MIS18BP1: variants seen among roughly 807,000 people sequenced by gnomAD.
MIS18BP1 encodes the protein mis18-binding protein 1.
A neutral mutation model predicts 116.1 loss-of-function variants in MIS18BP1; 72 were observed. The observed-to-expected ratio is 0.62, with a 90% confidence interval of 0.51 to 0.75. MIS18BP1 has a LOEUF of 0.75. MIS18BP1 is among the 30% of genes least tolerant of loss of function. MIS18BP1 has a pLI of 0.00. For missense variants in MIS18BP1, 1,363 were observed against 1,303.2 expected (o/e 1.05, Z -0.71); for synonymous variants, 386 against 427.0 (o/e 0.90, Z 1.18).
At chr14:45,220,376 T>C (rs1192191640) in intron 11 of MIS18BP1, among the ~76,000 whole-genome samples, 1 of 152,160 alleles carries the variant, frequency 6.6e-6, no homozygotes, top group Non-Finnish European at 1.5e-5. Context: ...ATAGTTTAAA[T>C]ATGTGTCCCT....
rs565181569 is a variant in MIS18BP1 at position 45,247,331 on chromosome 14, C to T, written c.-45G>A. On this transcript the variant is annotated 5_prime_UTR_variant, in exon 2 of 17. It adds an upstream start codon to the 5' untranslated region. Transcript: ENST00000310806. Reference sequence around the variant, plus strand: ...CCAAGTTCTTCTAACAGAAAATTCACTTAAGCGCAATTTTCAGATAGAACT... The same window carrying T: ...CCAAGTTCTTCTAACAGAAAATTCATTTAAGCGCAATTTTCAGATAGAACT... 16 of 1,480,024 alleles carry T rather than the reference C, an allele frequency of 1.1e-5. No homozygotes were observed. In the South Asian group the frequency reaches 2.0e-4, roughly 18 times the overall value. 91.7% of individuals were successfully genotyped at this position (1,480,024 alleles called of 1,614,324 possible).
At chr14:45,249,288 C>T (rs1189477842) in intron 1 of MIS18BP1, among the ~76,000 whole-genome samples, 1 of 152,150 alleles carries the variant, frequency 6.6e-6, no homozygotes, top group Non-Finnish European at 1.5e-5. Flanking sequence ...GACGGGGTTT[C>T]ACCATATTGG....
At chr14:45,213,225 G>GT (rs1447588409) in intron 13 of MIS18BP1, among the ~76,000 whole-genome samples, 2 of 152,154 alleles carry the variant, frequency 1.3e-5, no homozygotes. Context: ...TTCTGAGGAG[G>GT]TAAGAATTGT....
At chr14:45,238,125 T>C (rs956365936) in intron 4 of MIS18BP1, among the ~76,000 whole-genome samples, 1 of 152,004 alleles carries the variant, frequency 6.6e-6, no homozygotes, top group Non-Finnish European at 1.5e-5. Context: ...GTTTTTTTTT[T>C]TTTTTGTAAA....
At chr14:45,249,614 T>C (rs1163719065) in intron 1 of MIS18BP1, among the ~76,000 whole-genome samples, 1 of 152,086 alleles carries the variant, frequency 6.6e-6, no homozygotes, top group Non-Finnish European at 1.5e-5. Context: ...CTCACGCCTA[T>C]AATCCCAGCA....
chr14:45,214,718 TG>T (rs1890769060), intron 13 of MIS18BP1, among the ~76,000 whole-genome samples: 1 of 152,204 alleles, frequency 6.6e-6, no homozygotes, highest in Non-Finnish European at 1.5e-5. Flanking sequence ...TGATATAATT[TG>T]TTGCTGTCTA....
rs909254491 is a variant in MIS18BP1 at position 45,203,537 on chromosome 14, G to A, written c.*572C>T. On this transcript the variant is annotated 3_prime_UTR_variant, in exon 17 of 17. Coordinates refer to ENST00000310806, the MANE Select transcript of MIS18BP1 (RefSeq NM_018353.5). ...AAACTAAATTTACAAAGGTTTCATA[G>A]ATATGCCTATCACAAGTTTAAAATA... 13 of 152,024 alleles carry A rather than the reference G, an allele frequency of 8.6e-5. No homozygotes were observed. Among genetic ancestry groups the A allele is most frequent in the African/African-American group, 3.1e-4 (13 of 41,378 alleles). The allele number at this position is 152,024 out of a possible 1,614,324, so 9.4% of individuals were successfully genotyped here.
chr14:45,250,138 C>T (rs1004289860), intron 1 of MIS18BP1: 1 of 152,128 alleles, frequency 6.6e-6, no homozygotes, highest in Non-Finnish European at 1.5e-5. Flanking sequence ...TGTCCCTGCC[C>T]CTAATTCAGG....
chr14:45,205,844 A>T (rs1890500119), intron 15 of MIS18BP1, among the ~76,000 whole-genome samples: 1 of 151,936 alleles, frequency 6.6e-6, no homozygotes, highest in South Asian at 2.1e-4. Flanking sequence ...CCCACCCTTC[A>T]TTTCCCAAAA....
intron 8 of MIS18BP1, among the ~76,000 whole-genome samples, chr14:45,228,492 T>C (rs935507383): frequency 6.6e-6 from 1 of 152,204 alleles, no homozygotes; most frequent in Non-Finnish European, 1.5e-5. Flanking sequence ...TTCATGTATG[T>C]AGAATTATGT....
Position 45,203,856 on chromosome 14 carries a change from TTATC to T in MIS18BP1, c.*249_*252del, listed in dbSNP as rs1244448031. On this transcript the variant is annotated 3_prime_UTR_variant, in exon 17 of 17. Coordinates refer to ENST00000310806, the MANE Select transcript of MIS18BP1 (RefSeq NM_018353.5). ...ACAGACTTGGATGCTTATTAAAAAA[TTATC>T]TATATATATTTTAATATGCAAAAAC... The T allele has an allele frequency of 3.4e-5, 7 of 204,610 alleles. No homozygotes were observed. The East Asian group carries it at 3.5e-4, about 10-fold the overall frequency. The allele number at this position is 204,610 out of a possible 1,614,324, so 12.7% of individuals were successfully genotyped here. A position where few individuals can be genotyped will look rare whatever the true frequency, so the allele number is the denominator to read the frequency against.
In MIS18BP1 at chr14:45,223,940, T is replaced by G; in HGVS notation, c.2647A>C (p.Lys883Gln). The G allele has an allele frequency of 1.3e-6, 2 of 1,586,252 alleles. No individual in the cohort carries two copies. Among genetic ancestry groups the G allele is most frequent in the Non-Finnish European group, 1.7e-6 (2 of 1,171,420 alleles). Residue 883 changes from lysine (K) to glutamine (Q), a missense_variant, in exon 11 of 17, where the codon AAG (lysine) becomes CAG (glutamine). Lys to Gln is a moderately conservative substitution (Grantham distance 53, BLOSUM62 1). Coordinates refer to ENST00000310806, the MANE Select transcript of MIS18BP1 (RefSeq NM_018353.5). Reference sequence around the variant, plus strand: ...TACCAATGAAGTTTCTGTAACTCCTTCTCATTCCATTCCTTATCCTGAATT... The same window carrying G: ...TACCAATGAAGTTTCTGTAACTCCTGCTCATTCCATTCCTTATCCTGAATT... ...GLIQDKEWNE[K>Q]ELQKLHCAFA...
At chr14:45,250,490 G>GA (rs1297263480) in intron 1 of MIS18BP1, among the ~76,000 whole-genome samples, 1 of 152,210 alleles carries the variant, frequency 6.6e-6, no homozygotes, top group Non-Finnish European at 1.5e-5. Context: ...GTGGAGGAAA[G>GA]AACGCCTGTC....
chr14:45,238,951 G>C (rs1255728046), intron 4 of MIS18BP1, among the ~76,000 whole-genome samples: 1 of 152,042 alleles, frequency 6.6e-6, no homozygotes, highest in Admixed American at 6.5e-5. Flanking sequence ...CCTTTTAAAT[G>C]TTTCTTTCTG....
Position 45,218,491 on chromosome 14 carries a change from T to C in MIS18BP1, c.2670-37A>G, listed in dbSNP as rs188277317. 3.2e-6 allele frequency: 5 copies of C among 1,551,850 alleles called. No homozygotes were observed. The Admixed American group carries it at 1.1e-4, about 34-fold the overall frequency. On this transcript the variant is annotated intron_variant, in intron 11 of 16. Transcript: ENST00000310806. ...CAAAACCAATTAAAGAATAAGAAAT[T>C]CAAACCAATGACAATAACCTCTTAA...
chr14:45,251,036 CAAAA>C (rs1230380755), intron 1 of MIS18BP1, among the ~76,000 whole-genome samples: 3 of 59,250 alleles, frequency 5.1e-5, no homozygotes, highest in Non-Finnish European at 1.1e-4. Flanking sequence ...GACTCTGCCT[CAAAA>C]AAAAAAAAAA....
At chr14:45,208,310 A>C (rs1264501111) in intron 14 of MIS18BP1, among the ~76,000 whole-genome samples, 1 of 150,482 alleles carries the variant, frequency 6.6e-6, no homozygotes. Flanking sequence ...ATAAAATTCA[A>C]CGGCCAAAAG....
intron 4 of MIS18BP1, among the ~76,000 whole-genome samples, 173 bp from the exon 5 acceptor site, chr14:45,237,894 A>G (rs1302978173): frequency 6.6e-6 from 1 of 152,230 alleles, no homozygotes; most frequent in Non-Finnish European, 1.5e-5. Flanking sequence ...ATTCTTGTAT[A>G]CAATGAAACA....
At chr14:45,204,753 G>A (rs1258018607) in intron 15 of MIS18BP1, among the ~76,000 whole-genome samples, 1 of 151,944 alleles carries the variant, frequency 6.6e-6, no homozygotes, top group African/African-American at 2.4e-5. Context: ...TTGCCAAAAT[G>A]TGCTAAGTAA....
Sources: allele counts gnomAD v4.1 joint callset (sites outside exome capture counted in the v4.1 genomes callset), GRCh38; gene constraint gnomAD v4.1.1; transcripts MANE v1.5; gene names NCBI Gene and HGNC (gene_info 2026-07-23, HGNC 2026-07-21).